TRPC7: variants seen among roughly 807,000 people sequenced by gnomAD.
TRPC7 encodes transient receptor potential cation channel subfamily C member 7, also known as short transient receptor potential channel 7.
A neutral mutation model predicts 90.1 loss-of-function variants in TRPC7; 42 were observed. The ratio of observed to expected loss-of-function variants is 0.47; its 90% confidence interval spans 0.36 to 0.60. The LOEUF is 0.60. TRPC7 is among the 20% of genes least tolerant of loss of function. TRPC7 has a pLI of 0.00. For synonymous variants in TRPC7, 451 were observed against 436.3 expected, an observed-to-expected ratio of 1.03 and a Z score of -0.42; for missense variants, 955 against 1,112.3, an observed-to-expected ratio of 0.86 and a Z score of 2.01.
chr5:136,247,410 A>G lies in TRPC7; in HGVS notation c.1844+61T>C. 11 of 1,525,868 alleles carry G rather than the reference A, an allele frequency of 7.2e-6. No individual in the cohort carries two copies. The highest frequency in any genetic ancestry group is 8.8e-6 in the Non-Finnish European group (10 of 1,133,354). 94.5% of individuals were successfully genotyped at this position (1,525,868 alleles called of 1,614,324 possible). A position where few individuals can be genotyped will look rare whatever the true frequency, so the allele number is the denominator to read the frequency against. On this transcript the variant is annotated intron_variant, in intron 7 of 11. Coordinates refer to ENST00000513104, the MANE Select transcript of TRPC7 (RefSeq NM_020389.3). This position sits in a 1 kb window ranked among gnomAD's most constrained non-coding sequence, Gnocchi z 4.2. ...CTCTGCAAGAAGCCACCTTCAGGAGACTCCCAAGGATTCCCAGGAAGCCCA... is the reference window on the plus strand; with the variant it reads ...CTCTGCAAGAAGCCACCTTCAGGAGGCTCCCAAGGATTCCCAGGAAGCCCA...
chr5:136,247,044 C>T lies in TRPC7; in HGVS notation c.1844+427G>A, dbSNP rs199979788. On this transcript the variant is annotated intron_variant, in intron 7 of 11. Coordinates refer to ENST00000513104, the MANE Select transcript of TRPC7 (RefSeq NM_020389.3). This position sits in a 1 kb window ranked among gnomAD's most constrained non-coding sequence, Gnocchi z 4.2. The stretch of plus-strand genomic sequence containing the variant: ...CAAAGTTTACCACCACAAAATATCT[C>T]GCTTTTATTATTATTTTCACATCAC... Among the ~76,000 whole-genome samples, 204 of 152,242 alleles carry T rather than the reference C, an allele frequency of 1.3e-3. No individual in the cohort carries two copies. Among genetic ancestry groups the T allele is most frequent in the Non-Finnish European group, 2.1e-3 (146 of 68,026 alleles).
At chr5:136,242,330 A>G (rs1417541098) in intron 7 of TRPC7, among the ~76,000 whole-genome samples, 1 of 152,146 alleles carries the variant, frequency 6.6e-6, no homozygotes, top group Non-Finnish European at 1.5e-5. Context: ...CAGCAGGTGT[A>G]CTATCTGTCA....
intron 5 of TRPC7, among the ~76,000 whole-genome samples, chr5:136,254,313 T>C (rs937100195): frequency 8.5e-5 from 13 of 152,174 alleles, no homozygotes; most frequent in African/African-American, 2.9e-4. Flanking sequence ...AGCTATAGAG[T>C]AGACATCAGT....
intron 10 of TRPC7, among the ~76,000 whole-genome samples, chr5:136,216,540 A>G (rs1003741724): frequency 6.6e-6 from 1 of 152,178 alleles, no homozygotes; most frequent in African/African-American, 2.4e-5. Context: ...TGAGCCAAGC[A>G]GAGAGAGAGA....
At chr5:136,334,167 G>A (rs1320006420) in intron 2 of TRPC7, among the ~76,000 whole-genome samples, 4 of 152,236 alleles carry the variant, frequency 2.6e-5, no homozygotes, top group Admixed American at 2.0e-4. Context: ...TTCAGAATTG[G>A]CATCATCAGA....
chr5:136,262,538 G>A (rs143124668), intron 5 of TRPC7, among the ~76,000 whole-genome samples: 102 of 152,218 alleles, frequency 6.7e-4, no homozygotes, highest in African/African-American at 2.1e-3. Context: ...TTCAACTTAC[G>A]TCTCTCAATG....
intron 3 of TRPC7, among the ~76,000 whole-genome samples, chr5:136,282,327 T>C (rs1160544660): frequency 6.6e-6 from 1 of 152,204 alleles, no homozygotes; most frequent in African/African-American, 2.4e-5. Context: ...GTAGCTTACT[T>C]AGAACGATCC....
chr5:136,293,987 C>A (rs1046606880), intron 3 of TRPC7, among the ~76,000 whole-genome samples: 2 of 152,108 alleles, frequency 1.3e-5, no homozygotes, highest in Non-Finnish European at 2.9e-5. Context: ...AATAATGCTG[C>A]ATATCTACAA....
chr5:136,317,124 A>G (rs1024425251), intron 2 of TRPC7, among the ~76,000 whole-genome samples: 1 of 152,176 alleles, frequency 6.6e-6, no homozygotes, highest in African/African-American at 2.4e-5. Context: ...CTTCATTTTT[A>G]TATATAATTT....
At chr5:136,246,512 C>T (rs913933339) in intron 7 of TRPC7, among the ~76,000 whole-genome samples, 1 of 152,132 alleles carries the variant, frequency 6.6e-6, no homozygotes, top group African/African-American at 2.4e-5. Flanking sequence ...AGATAGTCCC[C>T]CTGGAGAGGT....
chr5:136,356,030 C>A (rs2546660), intron 2 of TRPC7, among the ~76,000 whole-genome samples: 101,107 of 152,060 alleles, frequency 0.66, 33,783 homozygotes, highest in Admixed American at 0.73. Flanking sequence ...TAGGTTGACA[C>A]ACTCTACAGA....
chr5:136,298,183 G>A (rs1359987164), intron 3 of TRPC7, among the ~76,000 whole-genome samples: 1 of 152,148 alleles, frequency 6.6e-6, no homozygotes. Context: ...ATTCAGATCG[G>A]GTGGTCAGGA....
chr5:136,338,021 T>A (rs1170826470), intron 2 of TRPC7, among the ~76,000 whole-genome samples: 1 of 152,094 alleles, frequency 6.6e-6, no homozygotes, highest in Non-Finnish European at 1.5e-5. Flanking sequence ...AGTAAGTGCG[T>A]CGTATTCTAA....
chr5:136,324,249 C>T (rs1407703065), intron 2 of TRPC7, among the ~76,000 whole-genome samples: 1 of 152,000 alleles, frequency 6.6e-6, no homozygotes, highest in Non-Finnish European at 1.5e-5. Flanking sequence ...GATTGTTGAC[C>T]TTGAATAAAC....
At chr5:136,234,552 CCCA>C (rs1435457108) in intron 7 of TRPC7, among the ~76,000 whole-genome samples, 16 of 152,292 alleles carry the variant, frequency 1.1e-4, no homozygotes, top group African/African-American at 3.9e-4. Context: ...TCATGATCTG[CCCA>C]CCTCGGCCTC....
At chr5:136,244,026 C>T (rs1354381896) in intron 7 of TRPC7, among the ~76,000 whole-genome samples, 1 of 152,114 alleles carries the variant, frequency 6.6e-6, no homozygotes, top group Non-Finnish European at 1.5e-5. Context: ...GACCCCAACC[C>T]AGGCCACCTG....
chr5:136,284,368 G>A (rs1332427543), intron 3 of TRPC7, among the ~76,000 whole-genome samples: 2 of 152,118 alleles, frequency 1.3e-5, no homozygotes, highest in Admixed American at 6.5e-5. Flanking sequence ...GTCAATTTTG[G>A]TCATACTTTG....
chr5:136,318,065 G>T (rs1170171003), intron 2 of TRPC7, among the ~76,000 whole-genome samples: 1 of 152,202 alleles, frequency 6.6e-6, no homozygotes, highest in Non-Finnish European at 1.5e-5. Flanking sequence ...GCTGTCTGCA[G>T]TTGGCTAGAG....
At chr5:136,273,008 A>G (rs971665180) in intron 4 of TRPC7, among the ~76,000 whole-genome samples, 22 of 152,202 alleles carry the variant, frequency 1.4e-4, no homozygotes, top group African/African-American at 5.3e-4. Flanking sequence ...CCAGGCCACT[A>G]GGCACTCAGA....
Sources: gnomAD v4.1 joint callset for allele counts (sites outside exome capture counted in the v4.1 genomes callset) on GRCh38, gnomAD v4.1.1 for gene constraint, Gnocchi (gnomAD v3.1) non-coding constraint, MANE v1.5 for transcripts, NCBI Gene and HGNC (gene_info 2026-07-23, HGNC 2026-07-21) for gene names.